BEND2: variants seen among roughly 807,000 people sequenced by gnomAD.
The protein encoded by BEND2 is BEN domain-containing protein 2.
A neutral mutation model predicts 43.8 loss-of-function variants in BEND2; 19 were observed. The observed-to-expected ratio is 0.43, with a 90% CI of 0.30 to 0.64. The LOEUF (loss-of-function observed/expected upper bound fraction) is 0.64, where lower values mean the gene tolerates loss of function less well. Among genes scored for constraint, BEND2 ranks in the 30% least tolerant of loss-of-function variants. BEND2 has a pLI of 0.11. For missense variants in BEND2, 544 were observed against 574.0 expected, an observed-to-expected ratio of 0.95 and a Z score of 0.53; for synonymous variants, 226 against 210.1, an observed-to-expected ratio of 1.08 and a Z score of -0.66.
intron 6 of BEND2, among the ~76,000 whole-genome samples, chrX:18,196,980 G>A (rs1924974431): frequency 9.0e-6 from 1 of 111,683 alleles, no homozygotes; most frequent in African/African-American, 3.3e-5. Flanking sequence ...AGTAAAACTG[G>A]GGCTATCTCA....
chrX:18,164,979 A>C lies in BEND2; in HGVS notation c.*30T>G. ...ACTTACAAAATAGTCTTAACAGTTA[A>C]AAAAAAAAAAAAAGTTTGGCAGCTG... On this transcript the variant is annotated 3_prime_UTR_variant, in exon 14 of 14. Coordinates refer to ENST00000380033, the MANE Select transcript of BEND2 (RefSeq NM_153346.5). 1 of 690,848 alleles carries C rather than the reference A, an allele frequency of 1.4e-6. No individual in the cohort carries two copies. Among genetic ancestry groups the C allele is most frequent in the Non-Finnish European group, 1.9e-6 (1 of 513,010 alleles). 56.9% of individuals were successfully genotyped at this position (690,848 alleles called of 1,213,427 possible).
chrX:18,172,802 G>A (rs1490965060), intron 12 of BEND2, among the ~76,000 whole-genome samples: 4 of 111,130 alleles, frequency 3.6e-5, no homozygotes, highest in African/African-American at 1.3e-4. Flanking sequence ...AAGAAACAAA[G>A]TGGGAGGCAA....
At chrX:18,176,786 G>A (rs967695441) in intron 10 of BEND2, among the ~76,000 whole-genome samples, 1 of 111,410 alleles carries the variant, frequency 9.0e-6, no homozygotes, top group Admixed American at 9.6e-5. Flanking sequence ...CATATCAAGA[G>A]AAAATAGTGT....
At chrX:18,219,936 A>G (rs904957002) in intron 1 of BEND2, among the ~76,000 whole-genome samples, 1 of 107,475 alleles carries the variant, frequency 9.3e-6, no homozygotes, top group African/African-American at 3.4e-5. Context: ...AAAACCAAGC[A>G]AAAACAAAAA....
chrX:18,189,077 G>C (rs1383979084), intron 8 of BEND2, among the ~76,000 whole-genome samples: 2 of 109,512 alleles, frequency 1.8e-5, no homozygotes, highest in Non-Finnish European at 3.8e-5. Flanking sequence ...GCGCATGCCT[G>C]TAGTCCCAGC....
intron 4 of BEND2, among the ~76,000 whole-genome samples, chrX:18,206,663 G>A (rs933960774): frequency 1.6e-4 from 18 of 111,003 alleles, no homozygotes; most frequent in Middle Eastern, 4.6e-3. Context: ...TAGAATAGTC[G>A]GGAAGGGGTC....
chrX:18,198,118 T>A (rs1403404209), intron 6 of BEND2, among the ~76,000 whole-genome samples: 2 of 110,929 alleles, frequency 1.8e-5, no homozygotes, highest in East Asian at 5.7e-4. Flanking sequence ...AACCTAGGCA[T>A]TACCATTCAG....
rs757450295 is a variant in BEND2 at position 18,201,836 on chromosome X, C to T, written c.1012G>A (p.Val338Ile). The T allele has an allele frequency of 1.7e-6, 2 of 1,206,525 alleles. No individual in the cohort carries two copies. The highest frequency in any genetic ancestry group is 3.5e-5 in the African/African-American group (2 of 56,841). The change falls in exon 6 of 14, where the codon GTC (valine) becomes ATC (isoleucine). Residue 338 changes from valine (V) to isoleucine (I), a missense_variant. Physicochemically the swap from Val to Ile is conservative, Grantham distance 29. Coordinates refer to ENST00000380033, the MANE Select transcript of BEND2 (RefSeq NM_153346.5). The stretch of plus-strand genomic sequence containing the variant: ...TCACCAAAATAGGGAGGGATGAAGA[C>T]AGATAAAGAGGCAGTATTTTGGCCA... Reference protein sequence around the residue: ...YNGQNTASLSVFIPPYFAEKI... With the variant: ...YNGQNTASLSIFIPPYFAEKI...
chrX:18,212,333 AG>A (rs1825764121), intron 4 of BEND2, among the ~76,000 whole-genome samples: 1 of 110,624 alleles, frequency 9.0e-6, no homozygotes, highest in Non-Finnish European at 1.9e-5. Flanking sequence ...TCCTGACCTC[AG>A]GTGATCTACC....
intron 7 of BEND2, among the ~76,000 whole-genome samples, chrX:18,193,286 C>T (rs1254173655): frequency 1.8e-5 from 2 of 110,481 alleles, no homozygotes; most frequent in Non-Finnish European, 3.8e-5. Context: ...CCACTGCACT[C>T]CAGCCTGGGC....
intron 8 of BEND2, among the ~76,000 whole-genome samples, chrX:18,186,870 G>A (rs1924591332): frequency 9.2e-6 from 1 of 108,869 alleles, no homozygotes; most frequent in African/African-American, 3.4e-5. Flanking sequence ...TGGAGGCTGA[G>A]GTGGGAAGAT....
chrX:18,207,203 G>A (rs996265754), intron 4 of BEND2, among the ~76,000 whole-genome samples: 1 of 112,098 alleles, frequency 8.9e-6, no homozygotes, highest in African/African-American at 3.2e-5. Flanking sequence ...CCATGATCAT[G>A]ATAAACGCCC....
At chrX:18,202,735 A>T (rs1264859579) in intron 5 of BEND2, among the ~76,000 whole-genome samples, 2 of 112,241 alleles carry the variant, frequency 1.8e-5, no homozygotes, top group African/African-American at 6.5e-5. Flanking sequence ...TTGTTTTTTT[A>T]AAAAAACCTA....
chrX:18,177,840 G>A (rs766006032), intron 9 of BEND2, 71 bp from the exon 10 acceptor site: 38 of 837,990 alleles, frequency 4.5e-5, no homozygotes, highest in Non-Finnish European at 6.2e-5. Flanking sequence ...GTACACAAGA[G>A]AATTACACTG....
chrX:18,176,848 A>G (rs1184642401), intron 10 of BEND2, among the ~76,000 whole-genome samples: 1 of 110,984 alleles, frequency 9.0e-6, no homozygotes, highest in African/African-American at 3.3e-5. Flanking sequence ...TATCTTCCCC[A>G]GCTCTTCCCT....
At chrX:18,207,578 T>A (rs997219530) in intron 4 of BEND2, among the ~76,000 whole-genome samples, 2 of 112,292 alleles carry the variant, frequency 1.8e-5, no homozygotes, top group Non-Finnish European at 3.8e-5. Context: ...GTTATGGGCT[T>A]TTTTGTGAAA....
At position 18,164,707 on chromosome X, in the gene BEND2, CA is replaced by C; in HGVS notation, c.*301del. The C allele has an allele frequency of 5.1e-6, 1 of 196,230 alleles. No homozygotes were observed. The highest frequency in any genetic ancestry group is 9.2e-6 in the Non-Finnish European group (1 of 108,406). 16.2% of individuals were successfully genotyped at this position (196,230 alleles called of 1,213,427 possible). On this transcript the variant is annotated 3_prime_UTR_variant, in exon 14 of 14. Transcript: ENST00000380033. Reference sequence around the variant, plus strand: ...TATTGAATTTCTTTCTCTACCTTATCAAAAAAACAAAGTATATTAATGTCAA... The same window carrying C: ...TATTGAATTTCTTTCTCTACCTTATCAAAAAACAAAGTATATTAATGTCAA...
chrX:18,181,052 C>T (rs1031381148), intron 8 of BEND2, among the ~76,000 whole-genome samples: 1 of 110,685 alleles, frequency 9.0e-6, no homozygotes, highest in East Asian at 2.8e-4. Flanking sequence ...TGGAGACCTA[C>T]TCTTAAAGAA....
chrX:18,186,958 C>A (rs1360820973), intron 8 of BEND2, among the ~76,000 whole-genome samples: 1 of 103,940 alleles, frequency 9.6e-6, no homozygotes, highest in Non-Finnish European at 2.0e-5. Flanking sequence ...CAGAGCAAGA[C>A]CCTGTCTGGA....
Sources: gnomAD v4.1 joint callset for allele counts (sites outside exome capture counted in the v4.1 genomes callset) on GRCh38, gnomAD v4.1.1 for gene constraint, MANE v1.5 for transcripts, NCBI Gene and HGNC (gene_info 2026-07-23, HGNC 2026-07-21) for gene names.